The following CDC73 variants were observed in gnomAD, a reference collection of about 807,000 sequenced individuals.
CDC73 encodes the protein parafibromin.
CDC73 carries 21 observed loss-of-function variants against 83.7 expected under a neutral mutation model. The ratio of observed to expected loss-of-function variants is 0.25; its 90% confidence interval spans 0.18 to 0.36. The LOEUF (loss-of-function observed/expected upper bound fraction) is 0.36, where lower values mean the gene tolerates loss of function less well. Among genes scored for constraint, CDC73 ranks in the 10% least tolerant of loss-of-function variants. The pLI is 1.00. For missense variants in CDC73, 342 were observed against 653.3 expected, an observed-to-expected ratio of 0.52 and a Z score of 5.19; for synonymous variants, 224 against 212.9, an observed-to-expected ratio of 1.05 and a Z score of -0.45.
intron 10 of CDC73, among the ~76,000 whole-genome samples, chr1:193,198,100 G>A (rs1190959346): frequency 2.0e-5 from 3 of 152,080 alleles, no homozygotes; most frequent in Non-Finnish European, 4.4e-5. Flanking sequence ...GTTTTAATTA[G>A]TCAGTGTATA....
chr1:193,250,904 T>C lies in CDC73; in HGVS notation c.*192T>C. 1 of 593,162 alleles carries C rather than the reference T, an allele frequency of 1.7e-6. No homozygotes were observed. 36.7% of individuals were successfully genotyped at this position (593,162 alleles called of 1,614,324 possible). A position where few individuals can be genotyped will look rare whatever the true frequency, so the allele number is the denominator to read the frequency against. On this transcript the variant is annotated 3_prime_UTR_variant, in exon 17 of 17. Coordinates refer to ENST00000367435, the MANE Select transcript of CDC73 (RefSeq NM_024529.5). ...ACAACTATTTTTTTAATATTAGCCT[T>C]CTAGTCTGTAATGGAAATTGTATAT...
intron 6 of CDC73, among the ~76,000 whole-genome samples, chr1:193,140,306 G>A (rs184313204): frequency 1.6e-4 from 25 of 152,220 alleles, no homozygotes; most frequent in African/African-American, 5.8e-4. Flanking sequence ...TCTAGTCTCT[G>A]GTACTTCATC....
At chr1:193,234,045 T>C (rs1677706176) in intron 14 of CDC73, among the ~76,000 whole-genome samples, 1 of 150,218 alleles carries the variant, frequency 6.7e-6, no homozygotes, top group Non-Finnish European at 1.5e-5. Context: ...AAAAATTTTC[T>C]TAAGAAAATT....
intron 13 of CDC73, among the ~76,000 whole-genome samples, chr1:193,222,756 C>CTT (rs59773568): frequency 0.019 from 2,243 of 117,080 alleles, 69 homozygotes; most frequent in African/African-American, 0.045. Context: ...ATGAAATAAG[C>CTT]TTTTTTTTTT....
At chr1:193,246,221 CTA>C (rs1049739231) in intron 15 of CDC73, among the ~76,000 whole-genome samples, 20 of 152,008 alleles carry the variant, frequency 1.3e-4, no homozygotes, top group African/African-American at 4.3e-4. Context: ...AGTGTTTTCT[CTA>C]TGTTTTCTTC....
intron 10 of CDC73, among the ~76,000 whole-genome samples, chr1:193,163,006 A>C (rs1441299203): frequency 6.6e-6 from 1 of 152,178 alleles, no homozygotes; most frequent in African/African-American, 2.4e-5. Context: ...TGATAGGATT[A>C]TAATATTTTA....
chr1:193,145,944 G>A (rs1675992976), intron 7 of CDC73, among the ~76,000 whole-genome samples: 2 of 152,174 alleles, frequency 1.3e-5, no homozygotes, highest in South Asian at 4.1e-4. Context: ...TAAATAAGCG[G>A]TAATTATTAC....
At chr1:193,212,351 T>C in intron 12 of CDC73, 39 bp from the exon 13 acceptor site, 1 of 1,202,814 alleles carries the variant, frequency 8.3e-7, no homozygotes, top group South Asian at 1.4e-5. Flanking sequence ...GTATAATTTC[T>C]AATAATATAT....
chr1:193,220,383 C>G lies in CDC73; in HGVS notation c.1154+7906C>G, dbSNP rs150632603. ...TTCACCATGTTGGTCAGGCTGGTCTCAAACTCTGCCTGCCTCGGCCTCCCA... is the reference window on the plus strand; with the variant it reads ...TTCACCATGTTGGTCAGGCTGGTCTGAAACTCTGCCTGCCTCGGCCTCCCA... On this transcript the variant is annotated intron_variant, in intron 13 of 16. Transcript: ENST00000367435. Among the ~76,000 whole-genome samples, 265 of 151,908 alleles carry G rather than the reference C, an allele frequency of 1.7e-3. 1 individual carries two copies. The highest frequency in any genetic ancestry group is 6.2e-3 in the African/African-American group (257 of 41,458).
intron 10 of CDC73, among the ~76,000 whole-genome samples, chr1:193,202,900 T>C (rs1257313433): frequency 6.6e-6 from 1 of 152,094 alleles, no homozygotes; most frequent in Non-Finnish European, 1.5e-5. Context: ...AGTATTTCTT[T>C]GGAAATGTTT....
chr1:193,204,728 A>G (rs1677157783), intron 11 of CDC73, among the ~76,000 whole-genome samples: 1 of 152,216 alleles, frequency 6.6e-6, no homozygotes. Context: ...GAAGAGTTAA[A>G]GAAAATTTTT....
chr1:193,247,827 A>G (rs1320022296), intron 15 of CDC73, among the ~76,000 whole-genome samples: 2 of 152,102 alleles, frequency 1.3e-5, no homozygotes, highest in Non-Finnish European at 2.9e-5. Context: ...AGAGGAGAGA[A>G]TTCTGCAGAA....
chr1:193,248,107 AGACT>A (rs1158732119), intron 15 of CDC73, among the ~76,000 whole-genome samples: 7 of 152,218 alleles, frequency 4.6e-5, no homozygotes, highest in African/African-American at 1.7e-4. Flanking sequence ...TTCAGAGGAC[AGACT>A]GACTCTTTTG....
intron 10 of CDC73, among the ~76,000 whole-genome samples, chr1:193,173,160 C>G (rs907297858): frequency 6.6e-6 from 1 of 152,122 alleles, no homozygotes; most frequent in African/African-American, 2.4e-5. Flanking sequence ...TTTTTGTGAT[C>G]TTTTTCCTTT....
intron 15 of CDC73, among the ~76,000 whole-genome samples, chr1:193,238,919 T>C (rs948682996): frequency 6.6e-6 from 1 of 152,088 alleles, no homozygotes; most frequent in South Asian, 2.1e-4. Context: ...CGGAAGAAAA[T>C]CCATGTATAA....
chr1:193,136,148 T>G (rs963348105), intron 5 of CDC73, among the ~76,000 whole-genome samples: 3 of 152,160 alleles, frequency 2.0e-5, no homozygotes, highest in Non-Finnish European at 4.4e-5. Context: ...GGCCATACAG[T>G]TTATGTTGCA....
chr1:193,196,943 T>C (rs1677013010), intron 10 of CDC73, among the ~76,000 whole-genome samples: 1 of 152,218 alleles, frequency 6.6e-6, no homozygotes. Flanking sequence ...TTTTCTTGCC[T>C]AATTTCTCTG....
At chr1:193,200,273 A>C (rs1326577088) in intron 10 of CDC73, among the ~76,000 whole-genome samples, 1 of 152,112 alleles carries the variant, frequency 6.6e-6, no homozygotes, top group African/African-American at 2.4e-5. Context: ...AATTAAATAT[A>C]ATGTATATAG....
At chr1:193,226,593 T>C (rs538778721) in intron 13 of CDC73, among the ~76,000 whole-genome samples, 2 of 152,358 alleles carry the variant, frequency 1.3e-5, no homozygotes, top group South Asian at 2.1e-4. Context: ...ATTTTTGTTT[T>C]TAATTCTGTT....
Sources: gnomAD v4.1 joint callset for allele counts (sites outside exome capture counted in the v4.1 genomes callset) on GRCh38, gnomAD v4.1.1 for gene constraint, MANE v1.5 for transcripts, NCBI Gene and HGNC (gene_info 2026-07-23, HGNC 2026-07-21) for gene names.